Variants in CHD5 observed in about 807,000 individuals in gnomAD.
The protein encoded by CHD5 is ATP-dependent chromatin remodeler CHD5.
In CHD5, 69 loss-of-function variants were observed where a neutral mutation model predicts 230.3. That is an observed-to-expected ratio of 0.30 (90% confidence interval 0.25 to 0.37). The LOEUF is 0.37. Among genes scored for constraint, CHD5 ranks in the 10% least tolerant of loss-of-function variants. The probability of loss-of-function intolerance (pLI) is 1.00; values close to 1 mark genes in which losing one functional copy is unlikely to be tolerated. For missense variants in CHD5, 1,827 were observed against 2,622.8 expected (o/e 0.70, Z 6.63); for synonymous variants, 1,064 against 1,065.9 (o/e 1.00, Z 0.03).
rs780235413 is a variant in CHD5, at chr1:6,125,210, C to T, written c.4284G>A (p.Gln1428=). The T allele has an allele frequency of 6.2e-7, 1 of 1,604,916 alleles. No homozygotes were observed. The highest frequency in any genetic ancestry group is 2.2e-5 in the East Asian group (1 of 44,744). The change falls in exon 29 of 42, where the codon CAG becomes CAA. Residue 1428 remains glutamine (Q), a synonymous_variant. Transcript: ENST00000262450. The surrounding 1 kb of genome is among the most constrained non-coding windows in gnomAD (Gnocchi z 6.7). ...NIEVLGFNAR[Q]RKAFLNAIMR... ...TGATGGCGTTCAGAAAGGCCTTCCG[C>T]TGTCGGGCATTGAAGCCCAGCACCT...
At chr1:6,148,828 C>T (rs766025635) in intron 9 of CHD5, 26 bp downstream of exon 9, 10 of 1,373,594 alleles carry the variant, frequency 7.3e-6, no homozygotes, top group Non-Finnish European at 8.6e-6. Flanking sequence ...GCGGGGCGTC[C>T]GGCGCGGGGC....
At chr1:6,151,278 C>CAG in intron 6 of CHD5, 123 bp from the exon 7 acceptor site, 1 of 1,188,296 alleles carries the variant, frequency 8.4e-7, no homozygotes, top group Non-Finnish European at 1.1e-6. Context: ...CTCTGTGATT[C>CAG]ATCTCAGCCC....
intron 2 of CHD5, among the ~76,000 whole-genome samples, chr1:6,165,656 G>A (rs1284963398): frequency 1.3e-5 from 2 of 151,862 alleles, no homozygotes; most frequent in Non-Finnish European, 2.9e-5. Flanking sequence ...CCAGGGCCTT[G>A]CAGCTCCAGA....
chr1:6,180,006 GC>G lies in CHD5; in HGVS notation c.17del (p.Gly6AlafsTer40). On this transcript the variant is annotated frameshift_variant, in exon 1 of 42. Transcript: ENST00000262450. LOFTEE classifies it high-confidence loss of function. Reference protein sequence around the residue: MRGPVGTEEELPRLFA... With the variant: MRGPVXTEEELPRLFA... Reference sequence around the variant, plus strand: ...ACAGCCGCGGCAGCTCCTCCTCGGTGCCCACTGGGCCCCGCATGCCCGGCGC... The same window carrying G: ...ACAGCCGCGGCAGCTCCTCCTCGGTGCCACTGGGCCCCGCATGCCCGGCGC... 7.3e-7 allele frequency: 1 copy of G among 1,372,280 alleles called. No individual in the cohort carries two copies. The highest frequency in any genetic ancestry group is 9.5e-7 in the Non-Finnish European group (1 of 1,050,588). The allele number at this position is 1,372,280 out of a possible 1,614,324, so 85.0% of individuals were successfully genotyped here. A position where few individuals can be genotyped will look rare whatever the true frequency, so the allele number is the denominator to read the frequency against.
intron 1 of CHD5, among the ~76,000 whole-genome samples, chr1:6,177,463 C>T (rs186367632): frequency 1.3e-5 from 2 of 152,266 alleles, no homozygotes; most frequent in Admixed American, 6.5e-5. Flanking sequence ...GAGTTACATT[C>T]GAAGGGGAAC....
intron 36 of CHD5, among the ~76,000 whole-genome samples, chr1:6,110,967 C>T (rs539805278): frequency 1.3e-5 from 2 of 152,288 alleles, no homozygotes; most frequent in African/African-American, 4.8e-5. Context: ...TGGTGGCTCG[C>T]GCCTGTAATC....
chr1:6,159,621 C>G, intron 2 of CHD5, 106 bp from the exon 3 acceptor site: 11 of 861,974 alleles, frequency 1.3e-5, no homozygotes, highest in Non-Finnish European at 2.0e-5. Flanking sequence ...CGCTGGGGAT[C>G]GACCGATCCC....
chr1:6,127,174 GC>G (rs1666572165), intron 25 of CHD5: 1 of 182,124 alleles, frequency 5.5e-6, no homozygotes, highest in Non-Finnish European at 1.2e-5. Context: ...GCTGGGGTTT[GC>G]CCGGTAGAGA....
Position 6,121,541 on chromosome 1 carries a change from C to T in CHD5, c.4732G>A (p.Glu1578Lys), listed in dbSNP as rs1228803022. The change falls in exon 32 of 42, where the codon GAG becomes AAG. Residue 1578 changes from glutamate to lysine, a missense_variant. Physicochemically the swap from Glu to Lys is moderately conservative, Grantham distance 56. This residue lies in a region of CHD5 where 272 missense variants were observed against 263.2 expected (regional missense o/e 1.03). Transcript: ENST00000262450. This position sits in a 1 kb window ranked among gnomAD's most constrained non-coding sequence, Gnocchi z 4.5. ...KMEAQLGYMD[E>K]KDPGAQKPRQ... ...GGCTTCTGTGCCCCGGGGTCTTTCT[C>T]ATCCATGTAGCCCAGCTGGGCTTCC... 2 of 1,613,104 alleles carry T rather than the reference C, an allele frequency of 1.2e-6. No homozygotes were observed. The highest frequency in any genetic ancestry group is 2.2e-5 in the East Asian group (1 of 44,884).
At chr1:6,110,112 A>T (rs1314596786) in intron 37 of CHD5, 122 bp from the exon 38 acceptor site, 8 of 1,021,026 alleles carry the variant, frequency 7.8e-6, no homozygotes, top group Admixed American at 5.9e-5. Flanking sequence ...ACGTACTGCC[A>T]TCTGCTGCCC....
In CHD5 at chr1:6,168,247, T is replaced by C. The variant is rs917617491; in HGVS notation, c.110A>G (p.Asp37Gly). 1.2e-6 allele frequency: 2 copies of C among 1,609,628 alleles called. No individual in the cohort carries two copies. Among genetic ancestry groups the C allele is most frequent in the African/African-American group, 1.3e-5 (1 of 74,942 alleles). ...CACGGGCTCCACAGGGAAAAAGTCA[T>C]CGAAGGCTTCAAGACCACCATCTTC... ...EEEDGGLEAF[D>G]DFFPVEPVSL... Residue 37 changes from aspartate (D) to glycine (G), a missense_variant, in exon 2 of 42, where the codon GAT (aspartate) becomes GGT (glycine). By Grantham distance (94) the Asp-to-Gly change is moderately conservative. Coordinates refer to ENST00000262450, the MANE Select transcript of CHD5 (RefSeq NM_015557.3).
At position 6,144,166 on chromosome 1, in the gene CHD5, G is replaced by T; in HGVS notation, c.1803-11C>A. 1 of 1,614,184 alleles carries T rather than the reference G, an allele frequency of 6.2e-7. No individual in the cohort carries two copies. The highest frequency in any genetic ancestry group is 8.5e-7 in the Non-Finnish European group (1 of 1,180,042). On this transcript the variant is annotated splice_polypyrimidine_tract_variant and intron_variant, in intron 11 of 41. Transcript: ENST00000262450. ...CCCTTCTTGTCAAAGCTGCAACACG[G>T]TGAACAGATGTGGGTCGCTCAGAGC...
chr1:6,160,153 C>A (rs1184258229), intron 2 of CHD5, among the ~76,000 whole-genome samples: 10 of 122,372 alleles, frequency 8.2e-5, no homozygotes, highest in Non-Finnish European at 1.7e-4. Flanking sequence ...GGAAGGGCCC[C>A]AGCAAGGGAA....
In CHD5 at chr1:6,101,999, C is replaced by T; in HGVS notation, c.*3475G>A. On this transcript the variant is annotated 3_prime_UTR_variant, in exon 42 of 42. Coordinates refer to ENST00000262450, the MANE Select transcript of CHD5 (RefSeq NM_015557.3). ...GCTGGGACTCCTGGCGCGCCTTGCA[C>T]CCAGCCCAGGGCCCTCCCTTTGCCA... 1 of 401,046 alleles carries T rather than the reference C, an allele frequency of 2.5e-6. No individual in the cohort carries two copies. The highest frequency in any genetic ancestry group is 5.0e-6 in the Non-Finnish European group (1 of 199,434). 24.8% of individuals were successfully genotyped at this position (401,046 alleles called of 1,614,324 possible).
intron 1 of CHD5, among the ~76,000 whole-genome samples, chr1:6,174,046 C>A (rs1667380866): frequency 6.6e-6 from 1 of 151,726 alleles, no homozygotes; most frequent in Non-Finnish European, 1.5e-5. Flanking sequence ...GGGGGAGTCA[C>A]CCTGGGGGTG....
At chr1:6,135,501 A>C in intron 17 of CHD5, 98 bp from the exon 18 acceptor site, 2 of 1,086,064 alleles carry the variant, frequency 1.8e-6, no homozygotes, top group Non-Finnish European at 2.6e-6. Flanking sequence ...CTAGCTGGTG[A>C]ACCAGGGAGC....
Position 6,128,558 on chromosome 1 carries a change from G to A in CHD5, c.3671C>T (p.Ser1224Phe). 1 of 1,614,172 alleles carries A rather than the reference G, an allele frequency of 6.2e-7. No homozygotes were observed. The highest frequency in any genetic ancestry group is 1.1e-5 in the South Asian group (1 of 91,082). ...RPVTPIPDVQ[S>F]SKGGNLAASA... ...GGCGGCCAAGTTCCCCCCTTTGGAG[G>A]ACTGGACATCAGGGATGGGTGTGAC... The change falls in exon 24 of 42, where the codon TCC becomes TTC. Residue 1224 changes from serine to phenylalanine, a missense_variant. Transcript: ENST00000262450. The surrounding 1 kb of genome is among the most constrained non-coding windows in gnomAD (Gnocchi z 7.8).
At chr1:6,145,341 T>G (rs924090552) in intron 11 of CHD5, among the ~76,000 whole-genome samples, 1 of 152,214 alleles carries the variant, frequency 6.6e-6, no homozygotes, top group Non-Finnish European at 1.5e-5. Flanking sequence ...CCAGAAGCAC[T>G]GAGTGTCAGA....
chr1:6,144,323 C>T (rs944164813), intron 11 of CHD5, among the ~76,000 whole-genome samples, 168 bp from the exon 12 acceptor site: 3 of 152,196 alleles, frequency 2.0e-5, no homozygotes, highest in Non-Finnish European at 4.4e-5. Flanking sequence ...GGTGCAGCGG[C>T]TTGCCTGGGG....
Sources: gnomAD v4.1 joint callset for allele counts (sites outside exome capture counted in the v4.1 genomes callset) on GRCh38, gnomAD v4.1.1 for gene constraint, gnomAD v4.1.1 regional missense constraint, Gnocchi (gnomAD v3.1) non-coding constraint, MANE v1.5 for transcripts, NCBI Gene and HGNC (gene_info 2026-07-23, HGNC 2026-07-21) for gene names.